Variants in ESPL1 observed in about 807,000 individuals in gnomAD.
ESPL1 encodes separin.
Under a neutral mutation model 217.2 loss-of-function variants are expected in ESPL1, and 50 were observed. The observed-to-expected ratio is 0.23, with a 90% confidence interval of 0.18 to 0.29. The LOEUF (loss-of-function observed/expected upper bound fraction) is 0.29. ESPL1 is among the 10% of genes least tolerant of loss of function. ESPL1 has a pLI of 1.00. For missense variants in ESPL1, 1,834 were observed against 2,603.0 expected (o/e 0.70, Z 6.43); for synonymous variants, 994 against 1,081.3 (o/e 0.92, Z 1.58).
chr12:53,292,528 C>T lies in ESPL1; in HGVS notation c.5913-46C>T. Reference sequence around the variant, plus strand: ...CCCTCTGCTGTCTTTGCCACCTGACCCCTGCCATGCATTTCCCTATTCTCA... The same window carrying T: ...CCCTCTGCTGTCTTTGCCACCTGACTCCTGCCATGCATTTCCCTATTCTCA... On this transcript the variant is annotated intron_variant, in intron 28 of 30. Coordinates refer to ENST00000257934, the MANE Select transcript of ESPL1 (RefSeq NM_012291.5). The surrounding 1 kb of genome is among the most constrained non-coding windows in gnomAD (Gnocchi z 4.5). 1 of 1,530,796 alleles carries T rather than the reference C, an allele frequency of 6.5e-7. No homozygotes were observed. 94.8% of individuals were successfully genotyped at this position (1,530,796 alleles called of 1,614,324 possible).
At chr12:53,276,956 C>T in intron 8 of ESPL1, 97 bp downstream of exon 8, 5 of 1,556,982 alleles carry the variant, frequency 3.2e-6, no homozygotes, top group Non-Finnish European at 4.4e-6. Context: ...CCTGAGCTCT[C>T]CCTTCATCTT....
At position 53,293,544 on chromosome 12, in the gene ESPL1, T is replaced by C; in HGVS notation, c.*70T>C. ...CTACCTCCAAGGTTAGATTTAATCCTTAGGATAACTCTTTTAAAGTGATTT... is the reference window on the plus strand; with the variant it reads ...CTACCTCCAAGGTTAGATTTAATCCCTAGGATAACTCTTTTAAAGTGATTT... On this transcript the variant is annotated 3_prime_UTR_variant, in exon 31 of 31. Coordinates refer to ENST00000257934, the MANE Select transcript of ESPL1 (RefSeq NM_012291.5). The surrounding 1 kb of genome is among the most constrained non-coding windows in gnomAD (Gnocchi z 4.2). 8.6e-7 allele frequency: 1 copy of C among 1,161,532 alleles called. No individual in the cohort carries two copies. The highest frequency in any genetic ancestry group is 1.3e-6 in the Non-Finnish European group (1 of 782,856). The allele number at this position is 1,161,532 out of a possible 1,614,324, so 72.0% of individuals were successfully genotyped here.
Position 53,282,294 on chromosome 12 carries a change from G to C in ESPL1, c.2650G>C (p.Val884Leu). The change falls in exon 14 of 31, where the codon GTG becomes CTG. Residue 884 changes from valine (V) to leucine (L), a missense_variant. Val to Leu is a conservative substitution (Grantham distance 32, BLOSUM62 1). Around this residue, in one of 5 missense-constraint regions of ESPL1, gnomAD observed 746 missense variants for 1,077.0 expected, o/e 0.69. Transcript: ENST00000257934. This position sits in a 1 kb window ranked among gnomAD's most constrained non-coding sequence, Gnocchi z 4.0. ...CAAGGGTGTCTCTCTGCTGCTGTCT[G>C]TGCTTCGGGATCCTGCCCTCCAGAA... is the stretch of plus-strand genomic sequence containing the variant. ...VTKGVSLLLS[V>L]LRDPALQKSS... is the part of the protein sequence containing the mutation. 1 of 1,614,086 alleles carries C rather than the reference G, an allele frequency of 6.2e-7. No individual in the cohort carries two copies. Among genetic ancestry groups the C allele is most frequent in the Non-Finnish European group, 8.5e-7 (1 of 1,180,002 alleles).
chr12:53,272,580 C>T, intron 5 of ESPL1, 141 bp from the exon 6 acceptor site: 1 of 930,510 alleles, frequency 1.1e-6, no homozygotes, highest in Non-Finnish European at 1.6e-6. Flanking sequence ...CGCCCCTTCC[C>T]CATTCCTAGC....
chr12:53,278,597 CTTT>C (rs111602446), intron 11 of ESPL1, among the ~76,000 whole-genome samples: 1 of 144,486 alleles, frequency 6.9e-6, no homozygotes, highest in South Asian at 2.2e-4. Context: ...TGTGTGCCTT[CTTT>C]TTTTTTTTCA....
Position 53,286,310 on chromosome 12 carries a change from C to T in ESPL1, c.3574C>T (p.Pro1192Ser). 1 of 1,614,196 alleles carries T rather than the reference C, an allele frequency of 6.2e-7. No individual in the cohort carries two copies. The highest frequency in any genetic ancestry group is 8.5e-7 in the Non-Finnish European group (1 of 1,180,044). Residue 1192 changes from proline (P) to serine (S), a missense_variant, in exon 18 of 31, where the codon CCT (proline) becomes TCT (serine). Pro to Ser is a moderately conservative substitution (Grantham distance 74, BLOSUM62 -1). This residue lies in a region of ESPL1 where 681 missense variants were observed against 808.0 expected (regional missense o/e 0.84). Transcript: ENST00000257934. The surrounding 1 kb of genome is among the most constrained non-coding windows in gnomAD (Gnocchi z 5.3). Reference sequence around the variant, plus strand: ...GCTGCAGGTCGTGCTGAAGGGCTGTCCTGAAGCCGCTGAGCGCCTCACCCA... The same window carrying T: ...GCTGCAGGTCGTGCTGAAGGGCTGTTCTGAAGCCGCTGAGCGCCTCACCCA... The part of the protein sequence containing the change: ...DLLQVVLKGC[P>S]EAAERLTQAL...
In ESPL1 at chr12:53,288,564, G is replaced by A. The variant is rs1943996328; in HGVS notation, c.4573G>A (p.Glu1525Lys). ...SGGKTPAPGP[E>K]AASGEWELLR... Reference sequence around the variant, plus strand: ...TGGGAAGACTCCAGCTCCGGGCCCTGAGGCAGCTTCTGGAGAATGGGAGCT... The same window carrying A: ...TGGGAAGACTCCAGCTCCGGGCCCTAAGGCAGCTTCTGGAGAATGGGAGCT... Residue 1525 changes from glutamate (E) to lysine (K), a missense_variant, in exon 20 of 31, where the codon GAG becomes AAG. Coordinates refer to ENST00000257934, the MANE Select transcript of ESPL1 (RefSeq NM_012291.5). 1.9e-6 allele frequency: 3 copies of A among 1,613,320 alleles called. No individual in the cohort carries two copies. The highest frequency in any genetic ancestry group is 1.7e-5 in the Admixed American group (1 of 59,934).
At chr12:53,278,224 T>C (rs2120918709) in intron 11 of ESPL1, among the ~76,000 whole-genome samples, 1 of 152,300 alleles carries the variant, frequency 6.6e-6, no homozygotes, top group South Asian at 2.1e-4. Context: ...TATTATTCAG[T>C]GCAGCAGTGC....
Position 53,272,730 on chromosome 12 carries a change from C to T in ESPL1, c.1379C>T (p.Thr460Ile). 1.9e-6 allele frequency: 3 copies of T among 1,613,790 alleles called. No individual in the cohort carries two copies. Among genetic ancestry groups the T allele is most frequent in the Non-Finnish European group, 2.5e-6 (3 of 1,179,978 alleles). ...TDHMGMTASYTSNLAYSFYSH... is the reference protein window; with the variant it reads ...TDHMGMTASYISNLAYSFYSH... Reference sequence around the variant, plus strand: ...CTTTTCTCCCCTGCAGCTTCTTACACCAGTAATTTGGCCTACAGCTTCTAT... The same window carrying T: ...CTTTTCTCCCCTGCAGCTTCTTACATCAGTAATTTGGCCTACAGCTTCTAT... Residue 460 changes from threonine to isoleucine, a missense_variant, in exon 6 of 31, where the codon ACC becomes ATC. Around this residue, in one of 5 missense-constraint regions of ESPL1, gnomAD observed 746 missense variants for 1,077.0 expected, o/e 0.69. Coordinates refer to ENST00000257934, the MANE Select transcript of ESPL1 (RefSeq NM_012291.5).
chr12:53,268,739 G>A lies in ESPL1; in HGVS notation c.-12-16G>A, dbSNP rs1266531280. 2 of 1,514,504 alleles carry A rather than the reference G, an allele frequency of 1.3e-6. No individual in the cohort carries two copies. The highest frequency in any genetic ancestry group is 1.7e-5 in the Admixed American group (1 of 57,612). The allele number at this position is 1,514,504 out of a possible 1,614,324, so 93.8% of individuals were successfully genotyped here. A position where few individuals can be genotyped will look rare whatever the true frequency, so the allele number is the denominator to read the frequency against. ...CTTCATTAACAATCTTCTCTAATTG[G>A]TCTCCTTTTCCCTAGCTCTCCGGTG... On this transcript the variant is annotated splice_polypyrimidine_tract_variant and intron_variant, in intron 1 of 30. Coordinates refer to ENST00000257934, the MANE Select transcript of ESPL1 (RefSeq NM_012291.5).
rs1257305089 is a variant in ESPL1 at position 53,292,686 on chromosome 12, G to A, written c.5996+29G>A. 2.5e-6 allele frequency: 4 copies of A among 1,605,028 alleles called. No individual in the cohort carries two copies. In the East Asian group the frequency reaches 6.7e-5, roughly 27 times the overall value. ...AGTGCTTAAGGCAGGGATGTGGGGA[G>A]AGGGGCAGTCCTGAGGATGGTATCA... On this transcript the variant is annotated intron_variant, in intron 29 of 30. Coordinates refer to ENST00000257934, the MANE Select transcript of ESPL1 (RefSeq NM_012291.5). The surrounding 1 kb of genome is among the most constrained non-coding windows in gnomAD (Gnocchi z 4.5).
chr12:53,268,476 T>G, intron 1 of ESPL1, 99 bp downstream of exon 1: 16 of 366,020 alleles, frequency 4.4e-5, no homozygotes, highest in South Asian at 1.7e-4. Context: ...CTGGAGGGAG[T>G]GTCGGGAGGC....
chr12:53,270,935 T>C (rs1037738789), intron 5 of ESPL1, 137 bp downstream of exon 5: 9 of 877,876 alleles, frequency 1.0e-5, no homozygotes, highest in Non-Finnish European at 1.5e-5. Context: ...GAAATGTTTA[T>C]AAGTACCAGC....
intron 14 of ESPL1, 35 bp from the exon 15 acceptor site, chr12:53,283,093 CT>C: frequency 6.2e-7 from 1 of 1,613,202 alleles, no homozygotes; most frequent in Middle Eastern, 1.8e-4. Flanking sequence ...GAAGTTCTGG[CT>C]GCATCTTCTC....
At chr12:53,291,957 A>T (rs1479484941) in intron 26 of ESPL1, 27 bp from the exon 27 acceptor site, 1 of 1,611,176 alleles carries the variant, frequency 6.2e-7, no homozygotes. Context: ...GGCTGGGGAC[A>T]GTAACCTCTT....
At position 53,290,218 on chromosome 12, in the gene ESPL1, A is replaced by G. The variant is rs780803594; in HGVS notation, c.5241+6A>G. On this transcript the variant is annotated splice_donor_region_variant and intron_variant, in intron 23 of 30. Transcript: ENST00000257934. ...TTCCCACTGGCCAGAACAAGGTAGG[A>G]TTCCTGGGCCATGGAGCAAAGTTGG... is the stretch of plus-strand genomic sequence containing the variant. 3.1e-6 allele frequency: 5 copies of G among 1,613,782 alleles called. No individual in the cohort carries two copies. The African/African-American group carries it at 6.7e-5, about 22-fold the overall frequency.
At chr12:53,284,209 GAC>G in intron 17 of ESPL1, 42 bp downstream of exon 17, 2 of 1,150,884 alleles carry the variant, frequency 1.7e-6, no homozygotes, top group Admixed American at 1.7e-5. Context: ...GTGCTGAAAT[GAC>G]ACACACTACA....
At chr12:53,291,895 G>T in intron 26 of ESPL1, 35 bp downstream of exon 26, 1 of 1,593,864 alleles carries the variant, frequency 6.3e-7, no homozygotes, top group South Asian at 1.1e-5. Context: ...GTGTCTAGTG[G>T]GGAGTGAATA....
chr12:53,284,202 C>A, intron 17 of ESPL1, 35 bp downstream of exon 17: 1 of 1,263,438 alleles, frequency 7.9e-7, no homozygotes, highest in Non-Finnish European at 1.2e-6. Flanking sequence ...ATAGGCGGTG[C>A]TGAAATGACA....
Sources: gnomAD v4.1 joint callset for allele counts (sites outside exome capture counted in the v4.1 genomes callset) on GRCh38, gnomAD v4.1.1 for gene constraint, gnomAD v4.1.1 regional missense constraint, Gnocchi (gnomAD v3.1) non-coding constraint, MANE v1.5 for transcripts, NCBI Gene and HGNC (gene_info 2026-07-23, HGNC 2026-07-21) for gene names.